Variants in CUL5 observed in about 807,000 individuals in gnomAD.
CUL5 encodes the protein cullin 5.
Under a neutral mutation model 108.8 loss-of-function variants are expected in CUL5, and 26 were observed. The ratio of observed to expected loss-of-function variants is 0.24; its 90% CI spans 0.18 to 0.33. The LOEUF (loss-of-function observed/expected upper bound fraction) is 0.33. CUL5 is among the 10% of genes least tolerant of loss of function. CUL5 has a pLI of 1.00. For synonymous variants in CUL5, 334 were observed against 298.0 expected, an observed-to-expected ratio of 1.12 and a Z score of -1.25; for missense variants, 524 against 909.2, an observed-to-expected ratio of 0.58 and a Z score of 5.45.
At chr11:108,080,165 T>G (rs1864041727) in intron 11 of CUL5, among the ~76,000 whole-genome samples, 1 of 151,124 alleles carries the variant, frequency 6.6e-6, no homozygotes, top group South Asian at 2.1e-4. Flanking sequence ...AGGGTGATCA[T>G]AGCTCACTGC....
In CUL5 at chr11:108,033,824, A is replaced by T; in HGVS notation, c.47A>T (p.Glu16Val). The T allele has an allele frequency of 6.2e-7, 1 of 1,607,916 alleles. No individual in the cohort carries two copies. The change falls in exon 2 of 19, where the codon GAA (glutamate) becomes GTA (valine). Residue 16 changes from glutamate to valine, a missense_variant. By Grantham distance (121) the Glu-to-Val change is moderately radical (BLOSUM62 -2). This residue lies in a region of CUL5 where 76 missense variants were observed against 90.8 expected (regional missense o/e 0.84). Coordinates refer to ENST00000393094, the MANE Select transcript of CUL5 (RefSeq NM_003478.6). Reference sequence around the variant, plus strand: ...AAGAATAAAGGTTCTCTTCAGTTTGAAGACAAATGGGATTTTATGCGCCCG... The same window carrying T: ...AAGAATAAAGGTTCTCTTCAGTTTGTAGACAAATGGGATTTTATGCGCCCG... Reference protein sequence around the residue: ...LLKNKGSLQFEDKWDFMRPIV... With the variant: ...LLKNKGSLQFVDKWDFMRPIV...
At chr11:108,063,189 C>T (rs1415391164) in intron 7 of CUL5, among the ~76,000 whole-genome samples, 3 of 152,040 alleles carry the variant, frequency 2.0e-5, no homozygotes, top group Admixed American at 6.6e-5. Flanking sequence ...CCTATTTCTC[C>T]CCCACCACCT....
At chr11:108,032,600 TC>T (rs1470325304) in intron 1 of CUL5, among the ~76,000 whole-genome samples, 15 of 151,474 alleles carry the variant, frequency 9.9e-5, no homozygotes, top group African/African-American at 1.2e-4. Context: ...TCTCTCTCTC[TC>T]TGTTTTTGGC....
chr11:108,077,612 C>T (rs1422317707), intron 10 of CUL5, among the ~76,000 whole-genome samples: 2 of 149,266 alleles, frequency 1.3e-5, no homozygotes, highest in Admixed American at 6.7e-5. Context: ...GCCTGGGCAA[C>T]GAGTGAAACT....
intron 7 of CUL5, among the ~76,000 whole-genome samples, chr11:108,062,753 A>C (rs1287993643): frequency 6.6e-6 from 1 of 152,058 alleles, no homozygotes; most frequent in Non-Finnish European, 1.5e-5. Context: ...TTCTTTTATT[A>C]TTTTTAAACA....
At chr11:108,069,657 C>T (rs1863773844) in intron 7 of CUL5, among the ~76,000 whole-genome samples, 1 of 152,150 alleles carries the variant, frequency 6.6e-6, no homozygotes, top group Non-Finnish European at 1.5e-5. Flanking sequence ...GTGATCTCTT[C>T]GAGAGCAGGA....
chr11:108,028,028 C>T (rs1009550917), intron 1 of CUL5, among the ~76,000 whole-genome samples: 1 of 152,140 alleles, frequency 6.6e-6, no homozygotes, highest in Non-Finnish European at 1.5e-5. Flanking sequence ...CTTGGGTCTC[C>T]ATCTTTATGT....
intron 11 of CUL5, among the ~76,000 whole-genome samples, chr11:108,087,254 C>A (rs1175600054): frequency 6.6e-6 from 1 of 152,124 alleles, no homozygotes; most frequent in African/African-American, 2.4e-5. Flanking sequence ...GTTTCATCCA[C>A]CCCACTAAGA....
At chr11:108,041,710 C>T (rs1223139348) in intron 2 of CUL5, among the ~76,000 whole-genome samples, 1 of 152,160 alleles carries the variant, frequency 6.6e-6, no homozygotes, top group Non-Finnish European at 1.5e-5. Flanking sequence ...CCTGCCTCAG[C>T]CTCCCAAGTA....
At chr11:108,073,687 C>T in intron 10 of CUL5, 190 bp downstream of exon 10, 1 of 347,940 alleles carries the variant, frequency 2.9e-6, no homozygotes, top group Admixed American at 4.6e-5. Flanking sequence ...CATTAGATAG[C>T]CTTGTGAATT....
intron 11 of CUL5, among the ~76,000 whole-genome samples, chr11:108,081,286 T>TCAA (rs553258015): frequency 2.0e-5 from 3 of 152,134 alleles, no homozygotes; most frequent in South Asian, 2.1e-4. Context: ...AGACTTCGTC[T>TCAA]CAACAACAAC....
At chr11:108,021,120 T>C (rs553533964) in intron 1 of CUL5, among the ~76,000 whole-genome samples, 2 of 152,336 alleles carry the variant, frequency 1.3e-5, no homozygotes, top group South Asian at 2.1e-4. Context: ...AAGTGTATAG[T>C]AAGTAGTCTC....
At chr11:108,067,080 C>T (rs1863702625) in intron 7 of CUL5, among the ~76,000 whole-genome samples, 1 of 152,136 alleles carries the variant, frequency 6.6e-6, no homozygotes, top group Admixed American at 6.6e-5. Context: ...AACTCAAGAC[C>T]TTATGAACCA....
intron 1 of CUL5, among the ~76,000 whole-genome samples, chr11:108,018,483 A>G (rs995783969): frequency 6.6e-6 from 1 of 151,912 alleles, no homozygotes; most frequent in African/African-American, 2.4e-5. Flanking sequence ...CCTGGCCAAC[A>G]TGGTGAAACC....
intron 7 of CUL5, among the ~76,000 whole-genome samples, chr11:108,061,000 A>G (rs1250042757): frequency 6.6e-6 from 1 of 152,162 alleles, no homozygotes; most frequent in African/African-American, 2.4e-5. Flanking sequence ...GGAGGTTAAA[A>G]CATCAAGCAC....
intron 1 of CUL5, among the ~76,000 whole-genome samples, chr11:108,019,746 G>C (rs1862284179): frequency 6.6e-6 from 1 of 152,030 alleles, no homozygotes; most frequent in African/African-American, 2.4e-5. Context: ...ATAATAATAA[G>C]TGACTGTGTT....
chr11:108,053,025 C>G (rs571288383), intron 5 of CUL5, among the ~76,000 whole-genome samples: 1 of 152,102 alleles, frequency 6.6e-6, no homozygotes, highest in African/African-American at 2.4e-5. Context: ...AATTTCTTGG[C>G]AAGTCGTTTT....
intron 7 of CUL5, among the ~76,000 whole-genome samples, chr11:108,059,714 T>A (rs1164335921): frequency 6.8e-6 from 1 of 147,816 alleles, no homozygotes; most frequent in African/African-American, 2.5e-5. Flanking sequence ...CTGTCTCTAC[T>A]AAAAAAAAAA....
rs1028570325 is a variant in CUL5 at position 108,102,335 on chromosome 11, C to T, written c.2149-1855C>T. Among the ~76,000 whole-genome samples, 3 of 149,626 alleles carry T rather than the reference C, an allele frequency of 2.0e-5. No individual in the cohort carries two copies. In the South Asian group the frequency reaches 6.4e-4, roughly 32 times the overall value. ...GAGCCACCATGCCCGGCCTATTTTT[C>T]TATTCTTTTGAGACAGGGTCTCACT... On this transcript the variant is annotated intron_variant, in intron 18 of 18. Transcript: ENST00000393094.
Sources: gnomAD v4.1 joint callset for allele counts (sites outside exome capture counted in the v4.1 genomes callset) on GRCh38, gnomAD v4.1.1 for gene constraint, gnomAD v4.1.1 regional missense constraint, MANE v1.5 for transcripts, NCBI Gene and HGNC (gene_info 2026-07-23, HGNC 2026-07-21) for gene names.